USP48: variants seen among roughly 807,000 people sequenced by gnomAD.
The protein encoded by USP48 is ubiquitin carboxyl-terminal hydrolase 48.
Under a neutral mutation model 150.7 loss-of-function variants are expected in USP48, and 43 were observed. The ratio of observed to expected loss-of-function variants is 0.29; its 90% CI spans 0.22 to 0.37. USP48 has a LOEUF of 0.37. USP48 is among the 10% of genes least tolerant of loss of function. The pLI, the probability that USP48 is intolerant of heterozygous loss-of-function variation, is 1.00. For synonymous variants in USP48, 396 were observed against 425.9 expected (o/e 0.93, Z 0.86); for missense variants, 813 against 1,249.6 (o/e 0.65, Z 5.27).
chr1:21,772,340 C>T (rs866279355), intron 1 of USP48, among the ~76,000 whole-genome samples: 16 of 152,032 alleles, frequency 1.1e-4, no homozygotes, highest in African/African-American at 3.6e-4. Context: ...TAAACTAGGC[C>T]GGGCCGGGCA....
intron 19 of USP48, among the ~76,000 whole-genome samples, chr1:21,705,271 T>G (rs1433421132): frequency 6.6e-6 from 1 of 152,184 alleles, no homozygotes; most frequent in Non-Finnish European, 1.5e-5. Context: ...TGGAAGTACT[T>G]GAAGCATGGA....
intron 23 of USP48, among the ~76,000 whole-genome samples, chr1:21,690,330 A>G (rs1445524560): frequency 6.6e-6 from 1 of 152,080 alleles, no homozygotes; most frequent in African/African-American, 2.4e-5. Context: ...AATTACACAT[A>G]TAGATGCGTT....
At chr1:21,774,896 C>T (rs2097893579) in intron 1 of USP48, among the ~76,000 whole-genome samples, 1 of 151,662 alleles carries the variant, frequency 6.6e-6, no homozygotes, top group South Asian at 2.1e-4. Context: ...GAGGCTGAGG[C>T]CCAAGAATCA....
rs2097564141 is a variant in USP48, at chr1:21,680,951, CT to C, written c.3059-118del. The C allele has an allele frequency of 4.2e-6, 3 of 711,432 alleles. No homozygotes were observed. The South Asian group carries it at 5.7e-5, about 13-fold the overall frequency. 44.1% of individuals were successfully genotyped at this position (711,432 alleles called of 1,614,324 possible). A position where few individuals can be genotyped will look rare whatever the true frequency, so the allele number is the denominator to read the frequency against. On this transcript the variant is annotated intron_variant, in intron 25 of 26. Coordinates refer to ENST00000308271, the MANE Select transcript of USP48 (RefSeq NM_032236.8). ...AATAACTTTTGATTACCTTTGTCAC[CT>C]GTAATAATCATCTTTGAAGTTACGG...
chr1:21,770,440 G>A (rs577738215), intron 1 of USP48, among the ~76,000 whole-genome samples: 1 of 150,772 alleles, frequency 6.6e-6, no homozygotes, highest in Non-Finnish European at 1.5e-5. Flanking sequence ...GTAGATATGG[G>A]ACAGATAAAT....
intron 1 of USP48, among the ~76,000 whole-genome samples, chr1:21,769,389 G>A (rs759580200): frequency 7.9e-5 from 12 of 151,326 alleles, no homozygotes; most frequent in Non-Finnish European, 1.3e-4. Flanking sequence ...CTTGGGGGTG[G>A]AGGGTGGGAG....
chr1:21,772,847 G>A lies in USP48; in HGVS notation c.134+9977C>T, dbSNP rs114781577. 4.5e-3 allele frequency among the ~76,000 whole-genome samples: 686 copies of A among 151,238 alleles called. 5 individuals carry two copies. Among genetic ancestry groups the A allele is most frequent in the African/African-American group, 0.014 (581 of 41,094 alleles). On this transcript the variant is annotated intron_variant, in intron 1 of 26. Coordinates refer to ENST00000308271, the MANE Select transcript of USP48 (RefSeq NM_032236.8). ...TGAAGCAAAAGAATAGCTCGAATCT[G>A]GGAGGCAAAGGTTGCAGTGAGCTGA...
intron 5 of USP48, among the ~76,000 whole-genome samples, chr1:21,751,910 C>T (rs333197): frequency 0.072 from 10,808 of 150,288 alleles, 456 homozygotes; most frequent in Middle Eastern, 0.11. Context: ...CTCAGCTACT[C>T]GGGAGGCTGA....
intron 11 of USP48, among the ~76,000 whole-genome samples, chr1:21,727,252 A>G (rs1186266696): frequency 1.3e-5 from 2 of 152,206 alleles, no homozygotes; most frequent in Non-Finnish European, 2.9e-5. Flanking sequence ...GAGATTCTAC[A>G]TAATTTTACA....
At chr1:21,764,455 C>G (rs1215350176) in intron 1 of USP48, among the ~76,000 whole-genome samples, 1 of 144,534 alleles carries the variant, frequency 6.9e-6, no homozygotes, top group Non-Finnish European at 1.5e-5. Flanking sequence ...AAAAAAAAAG[C>G]CTGGGCGCAG....
chr1:21,721,852 A>G lies in USP48; in HGVS notation c.1649-88T>C, dbSNP rs1033393586. On this transcript the variant is annotated intron_variant, in intron 12 of 26. Transcript: ENST00000308271. ...TGTTTTCAGCACTTCACAAACACAG[A>G]CACATTCTAAACCAAAGTCACAAAT... 1.1e-5 allele frequency: 10 copies of G among 941,932 alleles called. No homozygotes were observed. In the East Asian group the frequency reaches 2.8e-4, roughly 27 times the overall value. 58.3% of individuals were successfully genotyped at this position (941,932 alleles called of 1,614,324 possible).
At chr1:21,758,048 T>A (rs1377854268) in intron 1 of USP48, among the ~76,000 whole-genome samples, 1 of 152,126 alleles carries the variant, frequency 6.6e-6, no homozygotes, top group African/African-American at 2.4e-5. Flanking sequence ...AGGCTATACC[T>A]CCAACAATGC....
chr1:21,763,814 T>G (rs1365695003), intron 1 of USP48, among the ~76,000 whole-genome samples: 3 of 142,300 alleles, frequency 2.1e-5, no homozygotes, highest in Non-Finnish European at 4.6e-5. Context: ...AAACTCTGTT[T>G]CAAGAAAAGG....
At chr1:21,713,238 G>A (rs1248815080) in intron 15 of USP48, among the ~76,000 whole-genome samples, 2 of 151,994 alleles carry the variant, frequency 1.3e-5, no homozygotes, top group African/African-American at 2.4e-5. Context: ...TCATGTAGCT[G>A]GGAAAACTGA....
chr1:21,681,020 A>G (rs2097564362), intron 25 of USP48, 186 bp from the exon 26 acceptor site: 4 of 543,504 alleles, frequency 7.4e-6, no homozygotes, highest in Non-Finnish European at 1.3e-5. Context: ...GTTTTTATCA[A>G]AGCAATACGT....
At chr1:21,735,830 G>A (rs75307692) in intron 9 of USP48, among the ~76,000 whole-genome samples, 1 of 149,704 alleles carries the variant, frequency 6.7e-6, no homozygotes, top group Non-Finnish European at 1.5e-5. Flanking sequence ...AGAGTTTACA[G>A]TGAGCCGAAA....
At chr1:21,703,370 T>A (rs1188814715) in intron 21 of USP48, 142 bp downstream of exon 21, 1 of 534,692 alleles carries the variant, frequency 1.9e-6, no homozygotes, top group Non-Finnish European at 3.3e-6. Context: ...TCAATTATTG[T>A]CCAATTTCAA....
At chr1:21,713,311 G>C (rs1413233297) in intron 15 of USP48, among the ~76,000 whole-genome samples, 2 of 152,108 alleles carry the variant, frequency 1.3e-5, no homozygotes, top group African/African-American at 4.8e-5. Context: ...GTCTTGCCAT[G>C]ATGCCAAGGC....
At chr1:21,716,625 C>A (rs984954457) in intron 14 of USP48, among the ~76,000 whole-genome samples, 2 of 152,352 alleles carry the variant, frequency 1.3e-5, no homozygotes, top group South Asian at 2.1e-4. Flanking sequence ...GTTAACATTT[C>A]TCTTCCAGTA....
Sources: gnomAD v4.1 joint callset for allele counts (sites outside exome capture counted in the v4.1 genomes callset) on GRCh38, gnomAD v4.1.1 for gene constraint, MANE v1.5 for transcripts, NCBI Gene and HGNC (gene_info 2026-07-23, HGNC 2026-07-21) for gene names.